IL1RAPL1: variants seen among roughly 807,000 people sequenced by gnomAD.
The protein encoded by IL1RAPL1 is interleukin 1 receptor accessory protein like 1.
In IL1RAPL1, 3 loss-of-function variants were observed where a neutral mutation model predicts 48.4. The ratio of observed to expected loss-of-function variants is 0.06; its 90% CI spans 0.03 to 0.16. IL1RAPL1 has a LOEUF of 0.16. Among genes scored for constraint, IL1RAPL1 ranks in the 10% least tolerant of loss-of-function variants. IL1RAPL1 has a pLI of 1.00. For synonymous variants in IL1RAPL1, 185 were observed against 187.7 expected (o/e 0.99, Z 0.12); for missense variants, 349 against 530.6 (o/e 0.66, Z 3.36).
At chrX:29,439,187 T>A (rs1934514357) in intron 5 of IL1RAPL1, among the ~76,000 whole-genome samples, 1 of 111,441 alleles carries the variant, frequency 9.0e-6, no homozygotes, top group African/African-American at 3.3e-5. Context: ...TTTTAATTGA[T>A]CTTGTCTGTG....
chrX:29,259,420 A>G (rs192759029), intron 2 of IL1RAPL1, among the ~76,000 whole-genome samples: 139 of 111,102 alleles, frequency 1.3e-3, no homozygotes, highest in African/African-American at 4.5e-3. Context: ...TAAATGGGAT[A>G]TTTATTTAAG....
chrX:29,604,230 G>A (rs1217147251), intron 5 of IL1RAPL1, among the ~76,000 whole-genome samples: 1 of 112,030 alleles, frequency 8.9e-6, no homozygotes, highest in African/African-American at 3.2e-5. Flanking sequence ...CTGCTATGAT[G>A]TGAATGTCTT....
intron 3 of IL1RAPL1, among the ~76,000 whole-genome samples, chrX:29,339,026 C>A (rs140847722): frequency 9.3e-6 from 1 of 107,470 alleles, no homozygotes; most frequent in Non-Finnish European, 1.9e-5. Flanking sequence ...CCACCCGAGC[C>A]GCAGGTACTG....
At chrX:29,714,557 A>G (rs927318271) in intron 6 of IL1RAPL1, among the ~76,000 whole-genome samples, 1 of 111,978 alleles carries the variant, frequency 8.9e-6, no homozygotes, top group African/African-American at 3.2e-5. Context: ...ATTTTATATG[A>G]TATTTGGATA....
At chrX:29,362,649 C>T (rs1362958230) in intron 3 of IL1RAPL1, among the ~76,000 whole-genome samples, 1 of 111,657 alleles carries the variant, frequency 9.0e-6, no homozygotes, top group Non-Finnish European at 1.9e-5. Context: ...TTTGAGACTC[C>T]GCTTAGAAAC....
chrX:29,460,027 G>C (rs1471407543), intron 5 of IL1RAPL1, among the ~76,000 whole-genome samples: 1 of 111,874 alleles, frequency 8.9e-6, no homozygotes, highest in East Asian at 2.8e-4. Flanking sequence ...TAACATTTAA[G>C]GATGAACAAC....
chrX:29,448,275 G>T (rs978015282), intron 5 of IL1RAPL1, among the ~76,000 whole-genome samples: 5 of 111,722 alleles, frequency 4.5e-5, no homozygotes, highest in African/African-American at 1.6e-4. Context: ...ATTTAAATGT[G>T]TCCTCAGTCT....
chrX:29,740,953 T>TTTCTGTTG (rs1444959596), intron 6 of IL1RAPL1, among the ~76,000 whole-genome samples: 1 of 112,191 alleles, frequency 8.9e-6, no homozygotes, highest in Non-Finnish European at 1.9e-5. Context: ...AGCACCTAGA[T>TTTCTGTTG]TTCTGTTGTT....
rs397897010 is a variant in IL1RAPL1, at chrX:29,350,191, T to TTATATATATATATATATA, written c.363-46051_363-46034dup. The stretch of plus-strand genomic sequence containing the variant: ...CTCCCTTGGTCTACATACTGTTATT[T>TTATATATATATATATATA]TATATATATATATATATATATATAT... On this transcript the variant is annotated intron_variant, in intron 3 of 10. Transcript: ENST00000378993. 1.8e-3 allele frequency among the ~76,000 whole-genome samples: 72 copies of TTATATATATATATATATA among 39,414 alleles called. 5 individuals carry two copies. Among genetic ancestry groups the TTATATATATATATATATA allele is most frequent in the African/African-American group, 0.011 (61 of 5,742 alleles). 34.2% of individuals were successfully genotyped at this position (39,414 alleles called of 115,157 possible).
At chrX:29,182,996 A>G (rs1206349199) in intron 2 of IL1RAPL1, among the ~76,000 whole-genome samples, 2 of 111,296 alleles carry the variant, frequency 1.8e-5, no homozygotes, top group Non-Finnish European at 3.8e-5. Flanking sequence ...GGCAAACAGA[A>G]GGGATTCTTC....
chrX:29,788,172 T>G (rs778335028), intron 6 of IL1RAPL1, among the ~76,000 whole-genome samples: 5 of 111,655 alleles, frequency 4.5e-5, no homozygotes, highest in African/African-American at 1.6e-4. Context: ...CTGCATTTAT[T>G]CAGAAACAAA....
intron 1 of IL1RAPL1, among the ~76,000 whole-genome samples, chrX:28,652,608 G>A (rs1256086749): frequency 8.9e-6 from 1 of 111,762 alleles, no homozygotes; most frequent in Non-Finnish European, 1.9e-5. Context: ...GCTGACGGGG[G>A]ACCACAATCG....
intron 5 of IL1RAPL1, among the ~76,000 whole-genome samples, chrX:29,483,808 C>A (rs1935066686): frequency 9.1e-6 from 1 of 109,418 alleles, no homozygotes; most frequent in African/African-American, 3.3e-5. Context: ...CCTTCCACCT[C>A]AGCCTCTTGA....
intron 2 of IL1RAPL1, among the ~76,000 whole-genome samples, chrX:28,944,551 G>A (rs1302413484): frequency 9.1e-6 from 1 of 110,372 alleles, no homozygotes; most frequent in Non-Finnish European, 1.9e-5. Context: ...TAATGTCAGT[G>A]ATTTAAAATT....
At chrX:29,360,720 C>T (rs1185105997) in intron 3 of IL1RAPL1, among the ~76,000 whole-genome samples, 1 of 111,739 alleles carries the variant, frequency 8.9e-6, no homozygotes, top group Non-Finnish European at 1.9e-5. Flanking sequence ...AGCACTAAAT[C>T]GAAGTCCAAA....
chrX:29,578,913 G>A (rs1488952196), intron 5 of IL1RAPL1, among the ~76,000 whole-genome samples: 1 of 111,873 alleles, frequency 8.9e-6, no homozygotes, highest in Non-Finnish European at 1.9e-5. Flanking sequence ...TGGGCAATTT[G>A]GGCTGTGTTC....
chrX:28,845,125 ATGT>A (rs1921474557), intron 2 of IL1RAPL1, among the ~76,000 whole-genome samples: 1 of 111,773 alleles, frequency 8.9e-6, no homozygotes, highest in Non-Finnish European at 1.9e-5. Flanking sequence ...ACGATTTGTC[ATGT>A]TATTATAAGT....
intron 5 of IL1RAPL1, among the ~76,000 whole-genome samples, chrX:29,585,562 C>T (rs989762003): frequency 9.8e-5 from 11 of 111,827 alleles, no homozygotes; most frequent in South Asian, 3.7e-4. Context: ...CTGGATCATA[C>T]GGTAGTTCTA....
At position 29,854,985 on chromosome X, in the gene IL1RAPL1, C is replaced by G. The variant is rs142176547; in HGVS notation, c.779-62479C>G. On this transcript the variant is annotated intron_variant, in intron 6 of 10. Transcript: ENST00000378993. ...ATTGTTCTGGGCAGGCATTTGTATACCTCTTTATGTTCTATCTGTCTTCGT... is the reference window on the plus strand; with the variant it reads ...ATTGTTCTGGGCAGGCATTTGTATAGCTCTTTATGTTCTATCTGTCTTCGT... Among the ~76,000 whole-genome samples the G allele has an allele frequency of 9.0e-3, 1,002 of 111,158 alleles. 12 individuals carry two copies. Among genetic ancestry groups the G allele is most frequent in the African/African-American group, 0.03 (913 of 30,539 alleles).
Sources: gnomAD v4.1 joint callset for allele counts (sites outside exome capture counted in the v4.1 genomes callset) on GRCh38, gnomAD v4.1.1 for gene constraint, MANE v1.5 for transcripts, NCBI Gene and HGNC (gene_info 2026-07-23, HGNC 2026-07-21) for gene names.